Variants in TTC28 observed in about 807,000 individuals in gnomAD.
TTC28 encodes tetratricopeptide repeat domain 28.
In TTC28, 61 loss-of-function variants were observed where a neutral mutation model predicts 198.0. The ratio of observed to expected loss-of-function variants is 0.31; its 90% CI spans 0.25 to 0.38. The LOEUF (loss-of-function observed/expected upper bound fraction) is 0.38, where lower values mean the gene tolerates loss of function less well. Ranked by LOEUF, TTC28 falls within the 10% of genes least tolerant of loss-of-function variation. TTC28 has a pLI of 1.00. For missense variants in TTC28, 2,678 were observed against 3,164.0 expected, an observed-to-expected ratio of 0.85 and a Z score of 3.69; for synonymous variants, 1,171 against 1,297.8, an observed-to-expected ratio of 0.90 and a Z score of 2.10.
In TTC28 at chr22:28,001,475, G is replaced by A; in HGVS notation, c.4297C>T (p.Pro1433Ser). 1 of 1,551,616 alleles carries A rather than the reference G, an allele frequency of 6.4e-7. No individual in the cohort carries two copies. Residue 1433 changes from proline (P) to serine (S), a missense_variant, in exon 15 of 23, where the codon CCT (proline) becomes TCT (serine). Pro to Ser is a moderately conservative substitution (Grantham distance 74, BLOSUM62 -1). Coordinates refer to ENST00000397906, the MANE Select transcript of TTC28 (RefSeq NM_001145418.2). ...GAGCTTCCCTTCAGGAGGGCGAAAG[G>A]AATGAGGTAGAGCTCCCCCTCCAGA... ...LVLEGELYLI[P>S]FALLKGSSSN...
chr22:27,985,556 C>T (rs1937181641), intron 21 of TTC28, 200 bp from the exon 22 acceptor site: 3 of 475,942 alleles, frequency 6.3e-6, no homozygotes, highest in East Asian at 7.3e-5. Flanking sequence ...CCAGAACATC[C>T]ACTCTACGCA....
intron 2 of TTC28, among the ~76,000 whole-genome samples, chr22:28,403,477 C>T (rs988068681): frequency 2.0e-5 from 3 of 152,160 alleles, no homozygotes; most frequent in African/African-American, 7.2e-5. Context: ...ACGCCAGGAT[C>T]TAAAGTCAAA....
intron 2 of TTC28, among the ~76,000 whole-genome samples, chr22:28,316,560 A>G (rs1349130880): frequency 1.3e-5 from 2 of 152,150 alleles, no homozygotes; most frequent in African/African-American, 4.8e-5. Flanking sequence ...AACTATAGTT[A>G]GTCTTTCAGT....
chr22:28,329,617 C>T (rs1023562175), intron 2 of TTC28, among the ~76,000 whole-genome samples: 8 of 152,182 alleles, frequency 5.3e-5, no homozygotes, highest in Admixed American at 3.9e-4. Flanking sequence ...TTGCCCTTTA[C>T]AGACACTTTA....
intron 5 of TTC28, among the ~76,000 whole-genome samples, chr22:28,281,636 A>G (rs2044584601): frequency 6.6e-6 from 1 of 152,188 alleles, no homozygotes; most frequent in Non-Finnish European, 1.5e-5. Context: ...TCATATGTCT[A>G]ACAACTTTGG....
intron 6 of TTC28, among the ~76,000 whole-genome samples, chr22:28,130,339 T>C (rs1490963415): frequency 2.6e-5 from 4 of 152,204 alleles, no homozygotes; most frequent in African/African-American, 7.2e-5. Flanking sequence ...TTACAGTCTC[T>C]CGGGAGCTTG....
intron 2 of TTC28, among the ~76,000 whole-genome samples, chr22:28,349,073 G>C (rs2045951716): frequency 6.6e-6 from 1 of 152,168 alleles, no homozygotes; most frequent in Non-Finnish European, 1.5e-5. Context: ...CAGACAGGAG[G>C]AGAAGGCTTG....
At chr22:28,129,178 G>A (rs1370812657) in intron 6 of TTC28, among the ~76,000 whole-genome samples, 1 of 152,178 alleles carries the variant, frequency 6.6e-6, no homozygotes, top group African/African-American at 2.4e-5. Context: ...AGTGAAGGGA[G>A]GCAGATGAAC....
At chr22:28,181,890 A>ACAAC (rs1028844721) in intron 5 of TTC28, among the ~76,000 whole-genome samples, 1 of 152,084 alleles carries the variant, frequency 6.6e-6, no homozygotes, top group African/African-American at 2.4e-5. Flanking sequence ...AAACAAACAA[A>ACAAC]CAAAAAAAAC....
chr22:28,111,607 A>G (rs970444898), intron 6 of TTC28, among the ~76,000 whole-genome samples: 1 of 152,078 alleles, frequency 6.6e-6, no homozygotes, highest in African/African-American at 2.4e-5. Context: ...ATTAGGGTCA[A>G]AATATCTGCC....
chr22:28,495,119 G>A (rs1484595787), intron 2 of TTC28, among the ~76,000 whole-genome samples: 1 of 152,066 alleles, frequency 6.6e-6, no homozygotes, highest in African/African-American at 2.4e-5. Flanking sequence ...AATAAAAATA[G>A]TTCAAGGAAA....
chr22:28,235,132 T>C (rs1472651612), intron 5 of TTC28, among the ~76,000 whole-genome samples: 3 of 152,240 alleles, frequency 2.0e-5, no homozygotes, highest in African/African-American at 7.2e-5. Context: ...GAAATGTCAG[T>C]GGCAAAGCTG....
Position 28,647,656 on chromosome 22 carries a change from G to A in TTC28, c.103-17826C>T, listed in dbSNP as rs559799934. Among the ~76,000 whole-genome samples, 902 of 151,764 alleles carry A rather than the reference G, an allele frequency of 5.9e-3. 6 individuals carry two copies. Among genetic ancestry groups the A allele is most frequent in the Non-Finnish European group, 9.8e-3 (664 of 67,956 alleles). On this transcript the variant is annotated intron_variant, in intron 1 of 22. Transcript: ENST00000397906. ...AGATCGAGACCATCCTGGCCAACAC[G>A]GTGAAACCCCGTCTCTACTAAAAAT...
At chr22:28,471,680 G>C (rs1483957484) in intron 2 of TTC28, among the ~76,000 whole-genome samples, 2 of 152,036 alleles carry the variant, frequency 1.3e-5, no homozygotes, top group Non-Finnish European at 2.9e-5. Flanking sequence ...TGATCAAATA[G>C]GTTAATATAT....
chr22:28,312,912 T>A (rs1262233581), intron 2 of TTC28, among the ~76,000 whole-genome samples: 4 of 151,852 alleles, frequency 2.6e-5, no homozygotes, highest in Non-Finnish European at 4.4e-5. Context: ...AAAAAATCAA[T>A]GAATACAGGA....
Position 28,490,699 on chromosome 22 carries a change from C to T in TTC28, c.381+138853G>A, listed in dbSNP as rs75166864. ...CTTTAATAGAGGACCACAAGATGGT[C>T]TCAAAGAAGTGTAGGCCTGACAACA... On this transcript the variant is annotated intron_variant, in intron 2 of 22. Coordinates refer to ENST00000397906, the MANE Select transcript of TTC28 (RefSeq NM_001145418.2). Among the ~76,000 whole-genome samples the T allele has an allele frequency of 3.0e-3, 455 of 152,256 alleles. 4 individuals carry two copies. The highest frequency in any genetic ancestry group is 0.01 in the African/African-American group (436 of 41,546).
Position 28,297,800 on chromosome 22 carries a change from A to G in TTC28, c.582T>C (p.Ser194=). The G allele has an allele frequency of 1.3e-6, 2 of 1,551,450 alleles. No individual in the cohort carries two copies. Among genetic ancestry groups the G allele is most frequent in the Non-Finnish European group, 1.7e-6 (2 of 1,146,966 alleles). The stretch of plus-strand genomic sequence containing the variant: ...CAACCACAGACACGACCACAAAGGG[A>G]CTCTTGTCCAGTTTCATTTTCTGAA... The part of the protein sequence containing the change: ...QQLQKMKLDK[S]PFVVVSVVGQ... The change falls in exon 4 of 23, where the codon AGT becomes AGC. Residue 194 remains serine, a synonymous_variant. Coordinates refer to ENST00000397906, the MANE Select transcript of TTC28 (RefSeq NM_001145418.2).
intron 2 of TTC28, among the ~76,000 whole-genome samples, chr22:28,436,102 T>C (rs902409153): frequency 6.6e-6 from 1 of 152,208 alleles, no homozygotes; most frequent in African/African-American, 2.4e-5. Flanking sequence ...ATAGTTAAGA[T>C]TATCCCTTTA....
chr22:28,417,904 G>A (rs1172729054), intron 2 of TTC28, among the ~76,000 whole-genome samples: 1 of 152,094 alleles, frequency 6.6e-6, no homozygotes, highest in Admixed American at 6.6e-5. Flanking sequence ...CTCTTGCTCT[G>A]AACAGTACAC....
Sources: allele counts gnomAD v4.1 joint callset (sites outside exome capture counted in the v4.1 genomes callset), GRCh38; gene constraint gnomAD v4.1.1; transcripts MANE v1.5; gene names NCBI Gene and HGNC (gene_info 2026-07-23, HGNC 2026-07-21).